Variants in TENT5A observed in about 807,000 individuals in gnomAD.
TENT5A encodes HBV X-transactivated gene 11 protein.
A neutral mutation model predicts 30.2 loss-of-function variants in TENT5A; 9 were observed. The ratio of observed to expected loss-of-function variants is 0.30; its 90% CI spans 0.18 to 0.52. The LOEUF is 0.52. TENT5A is among the 20% of genes least tolerant of loss of function. TENT5A has a pLI of 0.97. For synonymous variants in TENT5A, 264 were observed against 234.2 expected, an observed-to-expected ratio of 1.13 and a Z score of -1.16; for missense variants, 411 against 566.1, an observed-to-expected ratio of 0.73 and a Z score of 2.78.
rs1488815000 is a variant in TENT5A at position 81,751,970 on chromosome 6, T to C, written c.172A>G (p.Ser58Gly). 1 of 1,574,784 alleles carries C rather than the reference T, an allele frequency of 6.4e-7. No individual in the cohort carries two copies. Among genetic ancestry groups the C allele is most frequent in the Non-Finnish European group, 8.6e-7 (1 of 1,159,212 alleles). ...FGGHCLDYCE[S>G]PTAHCNVLNW... ...AGCACATTGCAGTGCGCCGTAGGGC[T>C]TTCGCAATAGTCCAAGCAATGCCCA... Residue 58 changes from serine to glycine, a missense_variant, in exon 2 of 3, where the codon AGC becomes GGC. Ser to Gly is a moderately conservative substitution (Grantham distance 56, BLOSUM62 0). Around this residue, in one of 5 missense-constraint regions of TENT5A, gnomAD observed 157 missense variants for 183.2 expected, o/e 0.86. Transcript: ENST00000320172.
rs957411831 is a variant in TENT5A, at chr6:81,752,527, T to C, written c.-134A>G. The C allele has an allele frequency of 7.1e-6, 9 of 1,274,408 alleles. No individual in the cohort carries two copies. The highest frequency in any genetic ancestry group is 5.9e-5 in the Admixed American group (3 of 50,550). 78.9% of individuals were successfully genotyped at this position (1,274,408 alleles called of 1,614,324 possible). A position where few individuals can be genotyped will look rare whatever the true frequency, so the allele number is the denominator to read the frequency against. ...GCTGCGAGCGCGCTCAGACAGCAAA[T>C]AGCGACTTCGTCTTTCCCAGACCCC... is the stretch of plus-strand genomic sequence containing the variant. On this transcript the variant is annotated 5_prime_UTR_variant, in exon 1 of 3. Transcript: ENST00000320172.
At position 81,746,720 on chromosome 6, in the gene TENT5A, A is replaced by T; in HGVS notation, c.*2975T>A. The T allele has an allele frequency of 8.2e-7, 1 of 1,225,946 alleles. No homozygotes were observed. The highest frequency in any genetic ancestry group is 1.0e-6 in the Non-Finnish European group (1 of 984,524). 75.9% of individuals were successfully genotyped at this position (1,225,946 alleles called of 1,614,324 possible). ...AGCACACTAGGCCAGATAAACACAA[A>T]AGGAAACAAATCACAGGCGCTAATA... On this transcript the variant is annotated 3_prime_UTR_variant, in exon 3 of 3. Transcript: ENST00000320172.
At chr6:81,751,495 A>T (rs1180198025) in intron 2 of TENT5A, 95 bp downstream of exon 2, 3 of 1,172,628 alleles carry the variant, frequency 2.6e-6, no homozygotes, top group Non-Finnish European at 3.7e-6. Flanking sequence ...TGATGGCCAC[A>T]GATTCATGGC....
chr6:81,749,670 C>T lies in TENT5A; in HGVS notation c.*25G>A. 2.5e-6 allele frequency: 4 copies of T among 1,586,280 alleles called. No homozygotes were observed. The highest frequency in any genetic ancestry group is 2.3e-5 in the East Asian group (1 of 44,288). On this transcript the variant is annotated 3_prime_UTR_variant, in exon 3 of 3. Coordinates refer to ENST00000320172, the MANE Select transcript of TENT5A (RefSeq NM_017633.3). ...CTCCTGTCTTGTCTGAAATGGCTTC[C>T]CCACAGGACATTTTTAAATGATTCT...
At position 81,746,569 on chromosome 6, in the gene TENT5A, A is replaced by G; in HGVS notation, c.*3126T>C. 8.1e-7 allele frequency: 1 copy of G among 1,232,130 alleles called. No individual in the cohort carries two copies. The highest frequency in any genetic ancestry group is 1.0e-6 in the Non-Finnish European group (1 of 987,938). The allele number at this position is 1,232,130 out of a possible 1,614,324, so 76.3% of individuals were successfully genotyped here. ...GTGTAGGAGTTCTTGAGGCAGCTGG[A>G]TTTACTGCAAATTAAGTAAACCTTT... On this transcript the variant is annotated 3_prime_UTR_variant, in exon 3 of 3. Coordinates refer to ENST00000320172, the MANE Select transcript of TENT5A (RefSeq NM_017633.3).
At position 81,751,847 on chromosome 6, in the gene TENT5A, G is replaced by A. The variant is rs1769042341; in HGVS notation, c.295C>T (p.Leu99=). The A allele has an allele frequency of 1.2e-6, 2 of 1,613,104 alleles. No homozygotes were observed. Among genetic ancestry groups the A allele is most frequent in the Non-Finnish European group, 1.7e-6 (2 of 1,179,920 alleles). ...CGCCGCCGCACCACCTTCACGATCA[G>A]GCTCGGCTGCAGCTCGAGCGTGGGG... The part of the protein sequence containing the change: ...NFPTLELQPS[L]IVKVVRRRLA... The change falls in exon 2 of 3, where the codon CTG becomes TTG. Residue 99 remains leucine, a synonymous_variant. Coordinates refer to ENST00000320172, the MANE Select transcript of TENT5A (RefSeq NM_017633.3).
chr6:81,749,988 C>T lies in TENT5A; in HGVS notation c.1036G>A (p.Gly346Arg), dbSNP rs1252246957. The change falls in exon 3 of 3, where the codon GGA becomes AGA. Residue 346 changes from glycine (G) to arginine (R), a missense_variant. By Grantham distance (125) the Gly-to-Arg change is moderately radical. This residue lies in a region of TENT5A where 135 missense variants were observed against 240.0 expected (regional missense o/e 0.56). Transcript: ENST00000320172. ...TACTCATACTTGCGGTCTTCCAATCCCACAAAGTGGTTCTGCAAATAGGAC... is the reference window on the plus strand; with the variant it reads ...TACTCATACTTGCGGTCTTCCAATCTCACAAAGTGGTTCTGCAAATAGGAC... Reference protein sequence around the residue: ...LESYLQNHFVGLEDRKYEYLM... With the variant: ...LESYLQNHFVRLEDRKYEYLM... 3.1e-6 allele frequency: 5 copies of T among 1,614,124 alleles called. No homozygotes were observed. Among genetic ancestry groups the T allele is most frequent in the Non-Finnish European group, 4.2e-6 (5 of 1,180,020 alleles).
Position 81,752,192 on chromosome 6 carries a change from G to A in TENT5A, c.-37-14C>T, listed in dbSNP as rs749611107. On this transcript the variant is annotated splice_polypyrimidine_tract_variant and intron_variant, in intron 1 of 2. Coordinates refer to ENST00000320172, the MANE Select transcript of TENT5A (RefSeq NM_017633.3). ...CCCTGGTCAGTCCTAAAAAGAAAGG[G>A]AAAGGAGCGCGGTGAGGACGCGCGG... The A allele has an allele frequency of 5.4e-6, 8 of 1,485,468 alleles. No homozygotes were observed. In the East Asian group the frequency reaches 1.7e-4, roughly 32 times the overall value. The allele number at this position is 1,485,468 out of a possible 1,614,324, so 92.0% of individuals were successfully genotyped here.
In TENT5A at chr6:81,749,757, G is replaced by T. The variant is rs1024914418; in HGVS notation, c.1267C>A (p.Gln423Lys). Residue 423 changes from glutamine (Q) to lysine (K), a missense_variant, in exon 3 of 3, where the codon CAG (glutamine) becomes AAG (lysine). This residue lies in a region of TENT5A where 75 missense variants were observed against 80.9 expected (regional missense o/e 0.93). Transcript: ENST00000320172. ...TGGCACGTGAATACTGGCTGAACCTGTGCAATGTAGTAATTGCTAAAGTTG... is the reference window on the plus strand; with the variant it reads ...TGGCACGTGAATACTGGCTGAACCTTTGCAATGTAGTAATTGCTAAAGTTG... ...DANFSNYYIA[Q>K]VQPVFTCQQQ... The T allele has an allele frequency of 1.2e-6, 2 of 1,613,796 alleles. No individual in the cohort carries two copies. The highest frequency in any genetic ancestry group is 1.7e-6 in the Non-Finnish European group (2 of 1,179,986).
At position 81,747,387 on chromosome 6, in the gene TENT5A, T is replaced by A; in HGVS notation, c.*2308A>T. 1 of 985,818 alleles carries A rather than the reference T, an allele frequency of 1.0e-6. No homozygotes were observed. Among genetic ancestry groups the A allele is most frequent in the Non-Finnish European group, 1.2e-6 (1 of 829,932 alleles). The allele number at this position is 985,818 out of a possible 1,614,324, so 61.1% of individuals were successfully genotyped here. Reference sequence around the variant, plus strand: ...TTAAGTGAGGGAGACTGAGCCAAGATGGTAGTAGGAGGAGTTCCTTAGAAA... The same window carrying A: ...TTAAGTGAGGGAGACTGAGCCAAGAAGGTAGTAGGAGGAGTTCCTTAGAAA... On this transcript the variant is annotated 3_prime_UTR_variant, in exon 3 of 3. Coordinates refer to ENST00000320172, the MANE Select transcript of TENT5A (RefSeq NM_017633.3).
At position 81,745,834 on chromosome 6, in the gene TENT5A, G is replaced by A. The variant is rs1768871690; in HGVS notation, c.*3861C>T. 1.0e-6 allele frequency: 1 copy of A among 985,740 alleles called. No homozygotes were observed. Among genetic ancestry groups the A allele is most frequent in the African/African-American group, 1.7e-5 (1 of 57,240 alleles). 61.1% of individuals were successfully genotyped at this position (985,740 alleles called of 1,614,324 possible). A position where few individuals can be genotyped will look rare whatever the true frequency, so the allele number is the denominator to read the frequency against. On this transcript the variant is annotated 3_prime_UTR_variant, in exon 3 of 3. Transcript: ENST00000320172. The stretch of plus-strand genomic sequence containing the variant: ...CTCTAGCACTGATTCAAACATGTCA[G>A]TTTTTTAGTCCATTTTCCATCAACT...
chr6:81,749,541 A>G lies in TENT5A; in HGVS notation c.*154T>C. The G allele has an allele frequency of 2.1e-6, 3 of 1,402,352 alleles. No homozygotes were observed. Among genetic ancestry groups the G allele is most frequent in the South Asian group, 3.5e-5 (2 of 57,888 alleles). The allele number at this position is 1,402,352 out of a possible 1,614,324, so 86.9% of individuals were successfully genotyped here. A position where few individuals can be genotyped will look rare whatever the true frequency, so the allele number is the denominator to read the frequency against. The stretch of plus-strand genomic sequence containing the variant: ...TGCTCCCACATCTATTAAAAGATAC[A>G]TAAGCTTTGCCAAACTTAAAACCAG... On this transcript the variant is annotated 3_prime_UTR_variant, in exon 3 of 3. Coordinates refer to ENST00000320172, the MANE Select transcript of TENT5A (RefSeq NM_017633.3).
At position 81,751,775 on chromosome 6, in the gene TENT5A, A is replaced by G; in HGVS notation, c.367T>C (p.Ser123Pro). The G allele has an allele frequency of 1.2e-6, 2 of 1,613,220 alleles. No homozygotes were observed. The highest frequency in any genetic ancestry group is 1.7e-6 in the Non-Finnish European group (2 of 1,179,922). ...IGVRDVRLNG[S>P]AASHVLHQDS... ...TGGTGCAGGACATGGCTGGCTGCCGAGCCGTTGAGGCGCACGTCGCGGACG... is the reference window on the plus strand; with the variant it reads ...TGGTGCAGGACATGGCTGGCTGCCGGGCCGTTGAGGCGCACGTCGCGGACG... Residue 123 changes from serine (S) to proline (P), a missense_variant, in exon 2 of 3, where the codon TCG (serine) becomes CCG (proline). By Grantham distance (74) the Ser-to-Pro change is moderately conservative (BLOSUM62 -1). Around this residue, in one of 5 missense-constraint regions of TENT5A, gnomAD observed 157 missense variants for 183.2 expected, o/e 0.86. Transcript: ENST00000320172.
Position 81,749,572 on chromosome 6 carries a change from T to G in TENT5A, c.*123A>C, listed in dbSNP as rs575374370. The stretch of plus-strand genomic sequence containing the variant: ...TTTGCCAAACTTAAAACCAGGAGCA[T>G]ATCATCATTGCACAAAACACATCCC... On this transcript the variant is annotated 3_prime_UTR_variant, in exon 3 of 3. Coordinates refer to ENST00000320172, the MANE Select transcript of TENT5A (RefSeq NM_017633.3). The G allele has an allele frequency of 4.5e-5, 65 of 1,434,900 alleles. No individual in the cohort carries two copies. The South Asian group carries it at 9.9e-4, about 22-fold the overall frequency. 88.9% of individuals were successfully genotyped at this position (1,434,900 alleles called of 1,614,324 possible).
In TENT5A at chr6:81,749,202, T is replaced by C; in HGVS notation, c.*493A>G. 1 of 986,300 alleles carries C rather than the reference T, an allele frequency of 1.0e-6. No individual in the cohort carries two copies. Among genetic ancestry groups the C allele is most frequent in the Non-Finnish European group, 1.2e-6 (1 of 830,262 alleles). The allele number at this position is 986,300 out of a possible 1,614,324, so 61.1% of individuals were successfully genotyped here. A position where few individuals can be genotyped will look rare whatever the true frequency, so the allele number is the denominator to read the frequency against. On this transcript the variant is annotated 3_prime_UTR_variant, in exon 3 of 3. Coordinates refer to ENST00000320172, the MANE Select transcript of TENT5A (RefSeq NM_017633.3). ...CAAGCCTCAGACAGTAATCCCAACG[T>C]TGGAGTTCCCCTTTTTCCTGTATTG...
At position 81,751,752 on chromosome 6, in the gene TENT5A, G is replaced by A. The variant is rs747933228; in HGVS notation, c.390C>T (p.His130=). 1 of 1,613,556 alleles carries A rather than the reference G, an allele frequency of 6.2e-7. No homozygotes were observed. Among genetic ancestry groups the A allele is most frequent in the Non-Finnish European group, 8.5e-7 (1 of 1,180,038 alleles). Residue 130 remains histidine (H), a synonymous_variant, in exon 2 of 3, where the codon CAC becomes CAT. Coordinates refer to ENST00000320172, the MANE Select transcript of TENT5A (RefSeq NM_017633.3). ...LNGSAASHVL[H]QDSGLGYKDL... ...CCTTGTAGCCCAGGCCGCTGTCCTG[G>A]TGCAGGACATGGCTGGCTGCCGAGC... is the stretch of plus-strand genomic sequence containing the variant.
chr6:81,752,507 G>T lies in TENT5A; in HGVS notation c.-114C>A. On this transcript the variant is annotated 5_prime_UTR_variant, in exon 1 of 3. Coordinates refer to ENST00000320172, the MANE Select transcript of TENT5A (RefSeq NM_017633.3). ...AGGCGGCAACACTTCCAGGAGCTGC[G>T]AGCGCGCTCAGACAGCAAATAGCGA... 6.8e-7 allele frequency: 1 copy of T among 1,469,860 alleles called. No individual in the cohort carries two copies. The highest frequency in any genetic ancestry group is 1.2e-5 in the South Asian group (1 of 82,404). 91.1% of individuals were successfully genotyped at this position (1,469,860 alleles called of 1,614,324 possible).
chr6:81,745,957 T>C lies in TENT5A; in HGVS notation c.*3738A>G. ...CAGAACACCTCAAAGCAGGCATGAT[T>C]GTAGAGAGGTTGGAGGGAGAGACAG... On this transcript the variant is annotated 3_prime_UTR_variant, in exon 3 of 3. Coordinates refer to ENST00000320172, the MANE Select transcript of TENT5A (RefSeq NM_017633.3). 2.0e-6 allele frequency: 2 copies of C among 985,806 alleles called. No individual in the cohort carries two copies. The highest frequency in any genetic ancestry group is 9.4e-5 in the South Asian group (2 of 21,282). 61.1% of individuals were successfully genotyped at this position (985,806 alleles called of 1,614,324 possible).
At chr6:81,751,168 A>C (rs2127726725) in intron 2 of TENT5A, among the ~76,000 whole-genome samples, 1 of 152,288 alleles carries the variant, frequency 6.6e-6, no homozygotes, top group East Asian at 1.9e-4. Context: ...TTTCCAGTAC[A>C]ATAAAAAACT....
Sources: allele counts gnomAD v4.1 joint callset (sites outside exome capture counted in the v4.1 genomes callset), GRCh38; gene constraint gnomAD v4.1.1; regional missense constraint gnomAD v4.1.1; transcripts MANE v1.5; gene names NCBI Gene and HGNC (gene_info 2026-07-23, HGNC 2026-07-21).